Variants in UNC5D observed in about 807,000 individuals in gnomAD.
UNC5D encodes netrin receptor UNC5D.
A neutral mutation model predicts 105.4 loss-of-function variants in UNC5D; 39 were observed. That is an observed-to-expected ratio of 0.37 (90% CI 0.29 to 0.48). The LOEUF (loss-of-function observed/expected upper bound fraction) is 0.48, where lower values mean the gene tolerates loss of function less well. UNC5D is among the 20% of genes least tolerant of loss of function. The probability of loss-of-function intolerance (pLI) is 0.98; values close to 1 mark genes in which losing one functional copy is unlikely to be tolerated. For missense variants in UNC5D, 991 were observed against 1,202.4 expected (o/e 0.82, Z 2.60); for synonymous variants, 452 against 450.4 (o/e 1.00, Z -0.04).
intron 10 of UNC5D, among the ~76,000 whole-genome samples, chr8:35,730,740 C>G (rs1355291113): frequency 2.0e-5 from 3 of 151,604 alleles, no homozygotes; most frequent in African/African-American, 7.3e-5. Flanking sequence ...AACACTCAAT[C>G]TTTTAAAAGA....
chr8:35,388,090 TTGG>T (rs1480671428), intron 1 of UNC5D, among the ~76,000 whole-genome samples: 1 of 152,028 alleles, frequency 6.6e-6, no homozygotes, highest in African/African-American at 2.4e-5. Flanking sequence ...GAAGGAAGTC[TTGG>T]TGGGGTGCGG....
chr8:35,635,071 T>A (rs570876825), intron 4 of UNC5D, among the ~76,000 whole-genome samples: 1 of 152,222 alleles, frequency 6.6e-6, no homozygotes, highest in South Asian at 2.1e-4. Flanking sequence ...CAGGTTGGAT[T>A]TTTCTAAAAA....
intron 1 of UNC5D, among the ~76,000 whole-genome samples, chr8:35,331,659 T>G (rs1810642135): frequency 6.6e-6 from 1 of 152,178 alleles, no homozygotes; most frequent in Non-Finnish European, 1.5e-5. Context: ...TTTTTAATGT[T>G]TCTTTTTCAT....
At chr8:35,371,529 C>A (rs1360303461) in intron 1 of UNC5D, among the ~76,000 whole-genome samples, 1 of 152,116 alleles carries the variant, frequency 6.6e-6, no homozygotes, top group Non-Finnish European at 1.5e-5. Context: ...AAGCCTTTGT[C>A]TAGTAAACAC....
At chr8:35,662,124 A>G (rs1434587547) in intron 4 of UNC5D, among the ~76,000 whole-genome samples, 2 of 151,848 alleles carry the variant, frequency 1.3e-5, no homozygotes, top group Non-Finnish European at 2.9e-5. Flanking sequence ...AATGCCTAGG[A>G]AGTAAACTCC....
rs538523010 is a variant in UNC5D at position 35,396,139 on chromosome 8, C to A, written c.104-153153C>A. On this transcript the variant is annotated intron_variant, in intron 1 of 16. Coordinates refer to ENST00000404895, the MANE Select transcript of UNC5D (RefSeq NM_080872.4). ...ACATTGCTCAGCCCCTTTTGTTTAA[C>A]CTCCTCTCTATTTTAGCTCTGAAAT... Among the ~76,000 whole-genome samples the A allele has an allele frequency of 1.8e-4, 28 of 152,200 alleles. 2 individuals carry two copies. The highest frequency in any genetic ancestry group is 1.2e-3 in the Admixed American group (18 of 15,294).
chr8:35,669,316 T>G (rs1449444251), intron 4 of UNC5D, among the ~76,000 whole-genome samples: 1 of 152,140 alleles, frequency 6.6e-6, no homozygotes, highest in African/African-American at 2.4e-5. Flanking sequence ...TTCATTTCAA[T>G]CTATTGATTT....
At chr8:35,562,824 G>T (rs548541561) in intron 2 of UNC5D, among the ~76,000 whole-genome samples, 1 of 151,838 alleles carries the variant, frequency 6.6e-6, no homozygotes, top group Admixed American at 6.6e-5. Flanking sequence ...AATCCTATTT[G>T]TCTATTTTTA....
At chr8:35,516,519 A>T (rs1586026475) in intron 1 of UNC5D, among the ~76,000 whole-genome samples, 1 of 152,294 alleles carries the variant, frequency 6.6e-6, no homozygotes, top group East Asian at 1.9e-4. Flanking sequence ...TGTTGATCGT[A>T]ATCTTTCCTA....
intron 7 of UNC5D, among the ~76,000 whole-genome samples, chr8:35,687,788 A>C (rs1826117282): frequency 1.3e-5 from 2 of 152,164 alleles, no homozygotes; most frequent in African/African-American, 4.8e-5. Flanking sequence ...AGGCTAAATG[A>C]TAAAATAACA....
intron 1 of UNC5D, among the ~76,000 whole-genome samples, chr8:35,270,444 G>A (rs182323779): frequency 5.9e-5 from 9 of 152,116 alleles, no homozygotes; most frequent in Admixed American, 5.2e-4. Context: ...CGAGCTTTAT[G>A]AGAAACCATT....
chr8:35,724,499 G>T (rs990891718), intron 9 of UNC5D, among the ~76,000 whole-genome samples: 3 of 152,302 alleles, frequency 2.0e-5, no homozygotes, highest in Middle Eastern at 3.4e-3. Context: ...AGACTGGGGT[G>T]ACCAGCGGTG....
intron 1 of UNC5D, among the ~76,000 whole-genome samples, chr8:35,377,205 G>C (rs1010043793): frequency 5.3e-5 from 8 of 152,088 alleles, no homozygotes; most frequent in African/African-American, 2.4e-5. Context: ...AACTATTTGG[G>C]GACACTCCAA....
At chr8:35,294,414 A>C (rs992599744) in intron 1 of UNC5D, among the ~76,000 whole-genome samples, 1 of 152,090 alleles carries the variant, frequency 6.6e-6, no homozygotes, top group African/African-American at 2.4e-5. Flanking sequence ...GGCAGAAGCT[A>C]TTTCAGCTGT....
At chr8:35,470,418 G>A (rs1014908953) in intron 1 of UNC5D, among the ~76,000 whole-genome samples, 2 of 151,844 alleles carry the variant, frequency 1.3e-5, no homozygotes, top group Non-Finnish European at 1.5e-5. Flanking sequence ...TGAGATTATG[G>A]TCTAGCAGGG....
intron 1 of UNC5D, among the ~76,000 whole-genome samples, chr8:35,459,450 C>T (rs1808735558): frequency 6.6e-6 from 1 of 152,166 alleles, no homozygotes; most frequent in Non-Finnish European, 1.5e-5. Context: ...GTTGAACACA[C>T]ATTAATCCTG....
chr8:35,331,306 C>G (rs1363386865), intron 1 of UNC5D, among the ~76,000 whole-genome samples: 1 of 152,166 alleles, frequency 6.6e-6, no homozygotes, highest in Non-Finnish European at 1.5e-5. Flanking sequence ...GCCGCCTTCT[C>G]TCATAGTTAT....
intron 1 of UNC5D, among the ~76,000 whole-genome samples, chr8:35,240,729 G>A (rs1356521796): frequency 6.6e-6 from 1 of 152,150 alleles, no homozygotes; most frequent in Admixed American, 6.5e-5. Flanking sequence ...CTTGTATTTT[G>A]ATGACAAAAG....
intron 1 of UNC5D, among the ~76,000 whole-genome samples, chr8:35,306,915 G>A (rs1004560297): frequency 5.3e-5 from 8 of 151,964 alleles, no homozygotes; most frequent in African/African-American, 1.9e-4. Flanking sequence ...GTTGTATTTA[G>A]TTTGTCATTT....
Sources: allele counts gnomAD v4.1 joint callset (sites outside exome capture counted in the v4.1 genomes callset), GRCh38; gene constraint gnomAD v4.1.1; transcripts MANE v1.5; gene names NCBI Gene and HGNC (gene_info 2026-07-23, HGNC 2026-07-21).